The following COL24A1 variants were observed in gnomAD, a reference collection of about 807,000 sequenced individuals.
COL24A1 encodes collagen type XXIV alpha 1 chain, also known as collagen alpha-1(XXIV) chain.
A neutral mutation model predicts 253.9 loss-of-function variants in COL24A1; 224 were observed. The ratio of observed to expected loss-of-function variants is 0.88; its 90% CI spans 0.79 to 0.99. COL24A1 has a LOEUF of 0.99. Ranked by LOEUF, COL24A1 falls within the 50% of genes least tolerant of loss-of-function variation. The pLI, the probability that COL24A1 is intolerant of heterozygous loss-of-function variation, is 0.00. For synonymous variants in COL24A1, 685 were observed against 673.7 expected (o/e 1.02, Z -0.26); for missense variants, 2,131 against 2,068.5 (o/e 1.03, Z -0.59).
rs553168422 is a variant in COL24A1 at position 86,072,297 on chromosome 1, G to A, written c.1708-8538C>T. On this transcript the variant is annotated intron_variant, in intron 7 of 59. Coordinates refer to ENST00000370571, the MANE Select transcript of COL24A1 (RefSeq NM_152890.7). ...GCTGCCAGCACAGCAGTCTGATATC[G>A]ACCTGGGATGCTTGAGCTTGGTGGG... Among the ~76,000 whole-genome samples the A allele has an allele frequency of 1.2e-4, 18 of 152,218 alleles. No homozygotes were observed. In the East Asian group the frequency reaches 1.5e-3, roughly 13 times the overall value.
chr1:85,982,325 G>A (rs556848), intron 20 of COL24A1, among the ~76,000 whole-genome samples: 97,816 of 151,904 alleles, frequency 0.64, 31,868 homozygotes, highest in Admixed American at 0.71. Flanking sequence ...TGTAAAATGA[G>A]AAATGTCTAC....
rs535080428 is a variant in COL24A1 at position 85,992,496 on chromosome 1, C to T, written c.2311-4842G>A. 3.3e-5 allele frequency among the ~76,000 whole-genome samples: 5 copies of T among 152,214 alleles called. No homozygotes were observed. In the South Asian group the frequency reaches 6.2e-4, roughly 19 times the overall value. Reference sequence around the variant, plus strand: ...TGTATCAACTGAACATTAATGATAACGTACCTATAAAGGAAACCTTTTTTT... The same window carrying T: ...TGTATCAACTGAACATTAATGATAATGTACCTATAAAGGAAACCTTTTTTT... On this transcript the variant is annotated intron_variant, in intron 19 of 59. Coordinates refer to ENST00000370571, the MANE Select transcript of COL24A1 (RefSeq NM_152890.7).
intron 12 of COL24A1, among the ~76,000 whole-genome samples, chr1:86,041,946 T>C (rs1699524042): frequency 6.6e-6 from 1 of 152,088 alleles, no homozygotes. Context: ...AGCTTCTCTA[T>C]CTTCAACAGT....
At chr1:85,951,088 C>T (rs189452143) in intron 24 of COL24A1, among the ~76,000 whole-genome samples, 29 of 152,286 alleles carry the variant, frequency 1.9e-4, no homozygotes, top group African/African-American at 6.7e-4. Flanking sequence ...AGATTAAGCA[C>T]ACTAATGTCC....
intron 24 of COL24A1, among the ~76,000 whole-genome samples, chr1:85,945,020 T>TTTTTTG (rs2103230679): frequency 4.4e-5 from 4 of 91,620 alleles, no homozygotes; most frequent in Non-Finnish European, 6.7e-5. Context: ...TTTTTTTTTT[T>TTTTTTG]TTTTTTTTTT....
rs61128567 is a variant in COL24A1 at position 85,969,604 on chromosome 1, C to CAAAAAAAAAA, written c.2463+613_2463+622dup. Among the ~76,000 whole-genome samples, 23 of 27,482 alleles carry CAAAAAAAAAA rather than the reference C, an allele frequency of 8.4e-4. 1 individual carries two copies. Among genetic ancestry groups the CAAAAAAAAAA allele is most frequent in the East Asian group, 7.2e-3 (4 of 558 alleles). 18.0% of individuals were successfully genotyped at this position (27,482 alleles called of 152,430 possible). ...TGGATGACAGAGTGAGACTCTGTCT[C>CAAAAAAAAAA]AAAAAAAAAAAAAAAAAAAAAAAAA... On this transcript the variant is annotated intron_variant, in intron 22 of 59. Coordinates refer to ENST00000370571, the MANE Select transcript of COL24A1 (RefSeq NM_152890.7).
chr1:85,747,406 G>A (rs1315938044), intron 55 of COL24A1, among the ~76,000 whole-genome samples: 1 of 151,996 alleles, frequency 6.6e-6, no homozygotes. Flanking sequence ...GAGCCACCGT[G>A]CCCGGCCAAC....
chr1:86,089,373 G>A, intron 6 of COL24A1, 146 bp from the exon 7 acceptor site: 2 of 696,428 alleles, frequency 2.9e-6, no homozygotes, highest in Non-Finnish European at 2.4e-6. Context: ...TGTTTCTGAG[G>A]CTTCCTGCCT....
chr1:85,745,263 A>G (rs1042979312), intron 56 of COL24A1, among the ~76,000 whole-genome samples, 178 bp downstream of exon 56: 12 of 152,076 alleles, frequency 7.9e-5, no homozygotes, highest in African/African-American at 2.7e-4. Flanking sequence ...TCCTACGCAT[A>G]TATTTCTGTT....
chr1:85,746,337 C>G (rs193052619), intron 55 of COL24A1, among the ~76,000 whole-genome samples: 1 of 152,188 alleles, frequency 6.6e-6, no homozygotes, highest in African/African-American at 2.4e-5. Flanking sequence ...ATGGAATAAT[C>G]AATAAAATGT....
intron 43 of COL24A1, among the ~76,000 whole-genome samples, chr1:85,835,488 C>G (rs1247711848): frequency 6.6e-6 from 1 of 152,024 alleles, no homozygotes; most frequent in East Asian, 1.9e-4. Flanking sequence ...GTCAGTACAA[C>G]TAAGTATTCG....
At chr1:85,793,432 A>G (rs781304492) in intron 47 of COL24A1, among the ~76,000 whole-genome samples, 2 of 152,084 alleles carry the variant, frequency 1.3e-5, no homozygotes, top group Non-Finnish European at 2.9e-5. Context: ...AGAGAGAGGA[A>G]AAGAAAAAGG....
rs564596915 is a variant in COL24A1 at position 85,917,954 on chromosome 1, C to T, written c.2563-6521G>A. Among the ~76,000 whole-genome samples the T allele has an allele frequency of 1.2e-3, 178 of 152,202 alleles. 1 individual carries two copies. Among genetic ancestry groups the T allele is most frequent in the Non-Finnish European group, 1.7e-3 (118 of 67,996 alleles). On this transcript the variant is annotated intron_variant, in intron 24 of 59. Coordinates refer to ENST00000370571, the MANE Select transcript of COL24A1 (RefSeq NM_152890.7). Reference sequence around the variant, plus strand: ...AACTCCTGACCTCAGGTGATCTGCCCGCCTTGGCCTTCCAAAGTGCTGGGA... The same window carrying T: ...AACTCCTGACCTCAGGTGATCTGCCTGCCTTGGCCTTCCAAAGTGCTGGGA...
chr1:86,105,204 G>A (rs1704850814), intron 5 of COL24A1, among the ~76,000 whole-genome samples: 1 of 152,198 alleles, frequency 6.6e-6, no homozygotes, highest in African/African-American at 2.4e-5. Context: ...GTATGGCAGA[G>A]GGAGGGGAGG....
chr1:86,070,195 T>C (rs989517046), intron 7 of COL24A1, among the ~76,000 whole-genome samples: 1 of 152,160 alleles, frequency 6.6e-6, no homozygotes, highest in Non-Finnish European at 1.5e-5. Context: ...TGCTGAAGAA[T>C]GTATCAGAGT....
intron 52 of COL24A1, among the ~76,000 whole-genome samples, chr1:85,780,693 A>C (rs1307612577): frequency 4.6e-5 from 7 of 152,178 alleles, no homozygotes; most frequent in Non-Finnish European, 1.0e-4. Flanking sequence ...TGTTGTAAGA[A>C]TTTAAGGAAC....
In COL24A1 at chr1:85,890,699, ATT is replaced by A. The variant is rs1369297692; in HGVS notation, c.2923-1088_2923-1087del. Among the ~76,000 whole-genome samples, 5 of 152,080 alleles carry A rather than the reference ATT, an allele frequency of 3.3e-5. No homozygotes were observed. In the East Asian group the frequency reaches 9.6e-4, roughly 29 times the overall value. On this transcript the variant is annotated intron_variant, in intron 31 of 59. Coordinates refer to ENST00000370571, the MANE Select transcript of COL24A1 (RefSeq NM_152890.7). ...TTATCCAAAATTATTTTAAATCTGA[ATT>A]TCTTTATAGTTTTAATATTCATATA...
intron 11 of COL24A1, among the ~76,000 whole-genome samples, chr1:86,048,963 G>A (rs1261300805): frequency 6.6e-6 from 1 of 152,176 alleles, no homozygotes; most frequent in Non-Finnish European, 1.5e-5. Context: ...ATAAGCTCAT[G>A]TCAAAGGATC....
intron 20 of COL24A1, among the ~76,000 whole-genome samples, chr1:85,972,819 T>C (rs780730819): frequency 2.0e-5 from 3 of 150,762 alleles, no homozygotes; most frequent in Admixed American, 6.6e-5. Context: ...CTGCTGGGAA[T>C]AGCATTAAGA....
Sources: gnomAD v4.1 joint callset for allele counts (sites outside exome capture counted in the v4.1 genomes callset) on GRCh38, gnomAD v4.1.1 for gene constraint, MANE v1.5 for transcripts, NCBI Gene and HGNC (gene_info 2026-07-23, HGNC 2026-07-21) for gene names.